The following MAD1L1 variants were observed in gnomAD, a reference collection of about 807,000 sequenced individuals.
The protein encoded by MAD1L1 is mitotic spindle assembly checkpoint protein MAD1.
MAD1L1 carries 95 observed loss-of-function variants against 96.9 expected under a neutral mutation model. The ratio of observed to expected loss-of-function variants is 0.98; its 90% CI spans 0.83 to 1.16. MAD1L1 has a LOEUF of 1.16. Ranked by LOEUF, MAD1L1 falls within the 50% of genes most tolerant of loss-of-function variation. The probability of loss-of-function intolerance (pLI) is 0.00; values close to 1 mark genes in which losing one functional copy is unlikely to be tolerated. For missense variants in MAD1L1, 1,007 were observed against 954.4 expected (o/e 1.06, Z -0.73); for synonymous variants, 473 against 396.6 (o/e 1.19, Z -2.29).
chr7:2,211,653 T>G (rs756190715), intron 10 of MAD1L1, among the ~76,000 whole-genome samples: 1 of 152,184 alleles, frequency 6.6e-6, no homozygotes, highest in Non-Finnish European at 1.5e-5. Flanking sequence ...TAGGCCCCGC[T>G]GAGGCCGGCC....
intron 16 of MAD1L1, among the ~76,000 whole-genome samples, chr7:1,956,923 C>A (rs551354667): frequency 6.6e-6 from 1 of 152,210 alleles, no homozygotes; most frequent in Non-Finnish European, 1.5e-5. Context: ...GGATGCCTGG[C>A]CCCCAGTCAG....
intron 18 of MAD1L1, among the ~76,000 whole-genome samples, chr7:1,879,051 C>T (rs1028488940): frequency 6.6e-6 from 1 of 152,018 alleles, no homozygotes; most frequent in African/African-American, 2.4e-5. Context: ...CTAGTTAAAG[C>T]TAAGTATTTT....
At chr7:2,200,562 A>G (rs951849433) in intron 10 of MAD1L1, 1 of 152,284 alleles carries the variant, frequency 6.6e-6, no homozygotes, top group East Asian at 1.9e-4. Flanking sequence ...CTGCACCTGG[A>G]TAACAGTGGA....
intron 10 of MAD1L1, among the ~76,000 whole-genome samples, chr7:2,203,178 T>A (rs1792406176): frequency 6.6e-6 from 1 of 152,242 alleles, no homozygotes; most frequent in African/African-American, 2.4e-5. Context: ...AACAGCGGCA[T>A]CTTGGCCACG....
At chr7:1,890,262 G>T (rs971226378) in intron 18 of MAD1L1, among the ~76,000 whole-genome samples, 21 of 152,236 alleles carry the variant, frequency 1.4e-4, no homozygotes, top group Non-Finnish European at 2.8e-4. Context: ...AATGTTGGAA[G>T]TGTGGCCTAT....
chr7:2,075,775 A>G (rs1584260865), intron 11 of MAD1L1, among the ~76,000 whole-genome samples: 1 of 152,200 alleles, frequency 6.6e-6, no homozygotes, highest in South Asian at 2.1e-4. Context: ...AAGTGGCAGG[A>G]GACATTTTAA....
chr7:2,102,948 G>A (rs989681033), intron 11 of MAD1L1, among the ~76,000 whole-genome samples: 7 of 152,190 alleles, frequency 4.6e-5, no homozygotes, highest in African/African-American at 1.2e-4. Context: ...TAAGGCACAC[G>A]GAGAAAACAG....
chr7:1,924,604 T>A (rs1387238356), intron 17 of MAD1L1, among the ~76,000 whole-genome samples: 1 of 152,076 alleles, frequency 6.6e-6, no homozygotes, highest in African/African-American at 2.4e-5. Context: ...GAGAACCTAC[T>A]CTAAAGAAGC....
intron 17 of MAD1L1, among the ~76,000 whole-genome samples, chr7:1,901,045 A>C (rs1016494555): frequency 3.3e-5 from 5 of 152,092 alleles, no homozygotes; most frequent in Non-Finnish European, 7.4e-5. Flanking sequence ...CTGGAGGGGA[A>C]GGGTCCATCC....
At chr7:1,855,053 G>A (rs565263995) in intron 18 of MAD1L1, among the ~76,000 whole-genome samples, 2 of 152,174 alleles carry the variant, frequency 1.3e-5, no homozygotes, top group Non-Finnish European at 2.9e-5. Context: ...AGAAGGCATC[G>A]GCGGCTGGGA....
intron 13 of MAD1L1, among the ~76,000 whole-genome samples, chr7:2,003,918 C>T (rs543059748): frequency 4.6e-5 from 7 of 152,308 alleles, no homozygotes; most frequent in South Asian, 2.1e-4. Context: ...CTGCTGGGGT[C>T]ACCAGCAGCT....
intron 16 of MAD1L1, among the ~76,000 whole-genome samples, chr7:1,953,443 G>A (rs1113737): frequency 0.26 from 39,673 of 152,056 alleles, 5,603 homozygotes; most frequent in Middle Eastern, 0.36. Context: ...CGCACTGGGG[G>A]GCTCCACCAG....
At chr7:1,900,942 C>T (rs1181664161) in intron 17 of MAD1L1, among the ~76,000 whole-genome samples, 1 of 152,106 alleles carries the variant, frequency 6.6e-6, no homozygotes, top group Non-Finnish European at 1.5e-5. Context: ...CTCTCAGAGG[C>T]GAGACCACCA....
chr7:1,876,364 G>A (rs1393346305), intron 18 of MAD1L1, among the ~76,000 whole-genome samples: 10 of 151,660 alleles, frequency 6.6e-5, no homozygotes, highest in South Asian at 6.3e-4. Flanking sequence ...CTTCTCCTTC[G>A]CACAGGTGGT....
At chr7:1,917,214 G>C (rs1788464457) in intron 17 of MAD1L1, among the ~76,000 whole-genome samples, 1 of 152,222 alleles carries the variant, frequency 6.6e-6, no homozygotes, top group Non-Finnish European at 1.5e-5. Context: ...TCCAGCGAGG[G>C]AGCCGCGGCA....
At chr7:2,053,064 C>T (rs908893159) in intron 12 of MAD1L1, among the ~76,000 whole-genome samples, 12 of 152,334 alleles carry the variant, frequency 7.9e-5, no homozygotes, top group African/African-American at 2.9e-4. Flanking sequence ...GGCACCTGCT[C>T]CCAGCCACTG....
chr7:2,194,097 C>A (rs1397500046), intron 10 of MAD1L1, among the ~76,000 whole-genome samples: 2 of 151,950 alleles, frequency 1.3e-5, no homozygotes, highest in African/African-American at 4.8e-5. Flanking sequence ...GTGCGTGCCA[C>A]CATGCCTGGC....
Position 1,840,091 on chromosome 7 carries a change from A to ACCAT in MAD1L1, c.1999-23867_1999-23864dup, listed in dbSNP as rs1442802369. On this transcript the variant is annotated intron_variant, in intron 18 of 18. Transcript: ENST00000265854. The stretch of plus-strand genomic sequence containing the variant: ...TGAGCCACACCCCACCCTTTCCTCA[A>ACCAT]CCATCCCCCATGAGGACGACATCAG... 5.9e-5 allele frequency among the ~76,000 whole-genome samples: 9 copies of ACCAT among 152,092 alleles called. No homozygotes were observed. In the East Asian group the frequency reaches 1.7e-3, roughly 29 times the overall value.
At chr7:1,911,317 C>T (rs1378465692) in intron 17 of MAD1L1, among the ~76,000 whole-genome samples, 1 of 152,148 alleles carries the variant, frequency 6.6e-6, no homozygotes, top group Non-Finnish European at 1.5e-5. Context: ...TCCTCTCCCT[C>T]CTCCTCAGGC....
Sources: allele counts gnomAD v4.1 joint callset (sites outside exome capture counted in the v4.1 genomes callset), GRCh38; gene constraint gnomAD v4.1.1; transcripts MANE v1.5; gene names NCBI Gene and HGNC (gene_info 2026-07-23, HGNC 2026-07-21).